Variants in CLCA2 observed in about 807,000 individuals in gnomAD.
CLCA2 encodes the protein chloride channel accessory 2.
Under a neutral mutation model 82.9 loss-of-function variants are expected in CLCA2, and 85 were observed. The observed-to-expected ratio is 1.03, with a 90% CI of 0.86 to 1.23. The LOEUF (loss-of-function observed/expected upper bound fraction) is 1.23, where lower values mean the gene tolerates loss of function less well. Ranked by LOEUF, CLCA2 falls within the 50% of genes most tolerant of loss-of-function variation. The pLI, the probability that CLCA2 is intolerant of heterozygous loss-of-function variation, is 0.00. For missense variants in CLCA2, 1,089 were observed against 1,124.8 expected (o/e 0.97, Z 0.45); for synonymous variants, 421 against 391.7 (o/e 1.07, Z -0.88).
chr1:86,440,444 A>C lies in CLCA2; in HGVS notation c.1381+119A>C, dbSNP rs1360112767. On this transcript the variant is annotated intron_variant, in intron 8 of 13. Coordinates refer to ENST00000370565, the MANE Select transcript of CLCA2 (RefSeq NM_006536.7). Reference sequence around the variant, plus strand: ...AAAATACAGAAATTGTTTTTAAAAAACGCACACACATATTGCTAGAATCTG... The same window carrying C: ...AAAATACAGAAATTGTTTTTAAAAACCGCACACACATATTGCTAGAATCTG... The C allele has an allele frequency of 6.4e-6, 6 of 938,238 alleles. No individual in the cohort carries two copies. In the African/African-American group the frequency reaches 8.4e-5, roughly 13 times the overall value. 58.1% of individuals were successfully genotyped at this position (938,238 alleles called of 1,614,324 possible).
At chr1:86,429,964 G>A (rs1662461654) in intron 3 of CLCA2, among the ~76,000 whole-genome samples, 1 of 152,032 alleles carries the variant, frequency 6.6e-6, no homozygotes, top group South Asian at 2.1e-4. Flanking sequence ...TTCATGAGTA[G>A]GCACAATCTT....
chr1:86,453,854 G>C (rs1397477871), intron 13 of CLCA2, among the ~76,000 whole-genome samples: 1 of 152,164 alleles, frequency 6.6e-6, no homozygotes, highest in Admixed American at 6.5e-5. Context: ...CGTGTTATGG[G>C]TGTCTGTTCA....
chr1:86,425,460 A>G lies in CLCA2; in HGVS notation c.308A>G (p.Gln103Arg), dbSNP rs756273740. The G allele has an allele frequency of 1.9e-6, 3 of 1,550,072 alleles. 1 individual carries two copies. In the South Asian group the frequency reaches 3.8e-5, roughly 20 times the overall value. Residue 103 changes from glutamine to arginine, a missense_variant, in exon 2 of 14, where the codon CAA becomes CGA. Gln to Arg is a conservative substitution (Grantham distance 43). Coordinates refer to ENST00000370565, the MANE Select transcript of CLCA2 (RefSeq NM_006536.7). ...GCTAATAATAACAGCAAAATAAAAC[A>G]AGAATCATATGAAAAGGTAAGAATC... is the stretch of plus-strand genomic sequence containing the variant. ...WKANNNSKIKQESYEKANVIV... is the reference protein window; with the variant it reads ...WKANNNSKIKRESYEKANVIV...
rs773666164 is a variant in CLCA2 at position 86,428,539 on chromosome 1, ATAACT to A, written c.451_455del (p.Leu151SerfsTer13). On this transcript the variant is annotated frameshift_variant, in exon 3 of 14. Transcript: ENST00000370565. LOFTEE classifies it high-confidence loss of function. Reference sequence around the variant, plus strand: ...TTCACACCTAATTTCCTACTGAATGATAACTTAACAGCTGGCTACGGATCACGAGG... The same window carrying A: ...TTCACACCTAATTTCCTACTGAATGATAACAGCTGGCTACGGATCACGAGG... 9.0e-5 allele frequency: 146 copies of A among 1,613,584 alleles called. No individual in the cohort carries two copies. Among genetic ancestry groups the A allele is most frequent in the Non-Finnish European group, 1.1e-4 (131 of 1,179,704 alleles).
chr1:86,440,140 A>C lies in CLCA2; in HGVS notation c.1204-8A>C. 1 of 1,612,652 alleles carries C rather than the reference A, an allele frequency of 6.2e-7. No homozygotes were observed. Among genetic ancestry groups the C allele is most frequent in the Non-Finnish European group, 8.5e-7 (1 of 1,179,330 alleles). On this transcript the variant is annotated splice_polypyrimidine_tract_variant and splice_region_variant and intron_variant, in intron 7 of 13. Transcript: ENST00000370565. ...CTTCCTTCCAAGTGACTAATTCTCT[A>C]TGTTCAGGTGGTTGAAAAACTGAAT...
chr1:86,429,525 A>C (rs141881103), intron 3 of CLCA2, among the ~76,000 whole-genome samples: 1 of 152,180 alleles, frequency 6.6e-6, no homozygotes, highest in African/African-American at 2.4e-5. Context: ...AGACTATGCC[A>C]GGGAAAGTGG....
chr1:86,437,471 A>C (rs562251045), intron 6 of CLCA2, among the ~76,000 whole-genome samples: 3 of 152,318 alleles, frequency 2.0e-5, no homozygotes, highest in Admixed American at 2.0e-4. Flanking sequence ...TTGGAGTTCA[A>C]TCTTGAAGGA....
chr1:86,450,647 A>G lies in CLCA2; in HGVS notation c.2069A>G (p.His690Arg), dbSNP rs766070402. 28 of 1,613,392 alleles carry G rather than the reference A, an allele frequency of 1.7e-5. No individual in the cohort carries two copies. Among genetic ancestry groups the G allele is most frequent in the Non-Finnish European group, 2.4e-5 (28 of 1,179,652 alleles). ...AATGGTAGATATAGCTTGAAAGTGC[A>G]TGTCAATCACTCTCCCAGCATAAGC... The part of the protein sequence containing the change: ...AANGRYSLKV[H>R]VNHSPSISTP... Residue 690 changes from histidine (H) to arginine (R), a missense_variant, in exon 12 of 14, where the codon CAT becomes CGT. By Grantham distance (29) the His-to-Arg change is conservative. Coordinates refer to ENST00000370565, the MANE Select transcript of CLCA2 (RefSeq NM_006536.7).
At chr1:86,449,573 T>C (rs1662919771) in intron 11 of CLCA2, among the ~76,000 whole-genome samples, 1 of 152,252 alleles carries the variant, frequency 6.6e-6, no homozygotes, top group Admixed American at 6.5e-5. Context: ...ATAAAATGTT[T>C]AGCACTTTTT....
chr1:86,455,200 G>C lies in CLCA2; in HGVS notation c.2505G>C (p.Glu835Asp), dbSNP rs767836350. Residue 835 changes from glutamate (E) to aspartate (D), a missense_variant, in exon 14 of 14, where the codon GAG becomes GAC. By Grantham distance (45) the Glu-to-Asp change is conservative. Coordinates refer to ENST00000370565, the MANE Select transcript of CLCA2 (RefSeq NM_006536.7). The part of the protein sequence containing the change: ...KRNPQQAGIR[E>D]IFTFSPQIST... ...ATCCTCAGCAAGCTGGCATCAGGGA[G>C]ATATTTACGTTCTCACCCCAAATTT... The C allele has an allele frequency of 1.9e-6, 3 of 1,614,050 alleles. No individual in the cohort carries two copies. Among genetic ancestry groups the C allele is most frequent in the Non-Finnish European group, 2.5e-6 (3 of 1,179,946 alleles).
chr1:86,443,771 A>G lies in CLCA2; in HGVS notation c.1489-16A>G, dbSNP rs764803433. 3.1e-6 allele frequency: 5 copies of G among 1,593,558 alleles called. No individual in the cohort carries two copies. The highest frequency in any genetic ancestry group is 1.3e-5 in the African/African-American group (1 of 74,464). ...GCATACACCAGAAACTCTCATATAT[A>G]TCTTCTCTTTAACAGCTTGAAAGTA... On this transcript the variant is annotated splice_polypyrimidine_tract_variant and intron_variant, in intron 9 of 13. Transcript: ENST00000370565.
intron 6 of CLCA2, among the ~76,000 whole-genome samples, chr1:86,435,221 A>G (rs187039940): frequency 6.6e-5 from 10 of 152,320 alleles, no homozygotes; most frequent in Middle Eastern, 3.4e-3. Flanking sequence ...AATGTGGCCA[A>G]AAGTTGAGAT....
intron 7 of CLCA2, 26 bp downstream of exon 7, chr1:86,439,132 G>A (rs1168649135): frequency 4.4e-6 from 7 of 1,598,772 alleles, no homozygotes; most frequent in East Asian, 2.2e-5. Context: ...CTAAGCCTTG[G>A]ATCACCATCA....
Position 86,440,032 on chromosome 1 carries a change from G to A in CLCA2, c.1204-116G>A, listed in dbSNP as rs1276367468. 6 of 959,550 alleles carry A rather than the reference G, an allele frequency of 6.3e-6. No individual in the cohort carries two copies. In the East Asian group the frequency reaches 1.2e-4, roughly 20 times the overall value. 59.4% of individuals were successfully genotyped at this position (959,550 alleles called of 1,614,324 possible). A position where few individuals can be genotyped will look rare whatever the true frequency, so the allele number is the denominator to read the frequency against. On this transcript the variant is annotated intron_variant, in intron 7 of 13. Transcript: ENST00000370565. The stretch of plus-strand genomic sequence containing the variant: ...GATGGGGTGAGGTAAAACTTGAGTG[G>A]AGATGGGCGTGGGGTGTAGGAGCTA...
rs763147874 is a variant in CLCA2 at position 86,453,464 on chromosome 1, T to A, written c.2251T>A (p.Ser751Thr). ...CCGAGTCAGCTCAGGAGGCTCCTTT[T>A]CAGTGCTGGGAGTTCCAGCTGGCCC... is the stretch of plus-strand genomic sequence containing the variant. ...FSRVSSGGSF[S>T]VLGVPAGPHP... Residue 751 changes from serine (S) to threonine (T), a missense_variant, in exon 13 of 14, where the codon TCA becomes ACA. Transcript: ENST00000370565. The A allele has an allele frequency of 1.0e-4, 165 of 1,614,068 alleles. No individual in the cohort carries two copies. The highest frequency in any genetic ancestry group is 1.6e-4 in the Middle Eastern group (1 of 6,084).
rs961775897 is a variant in CLCA2, at chr1:86,436,699, TTTG to T, written c.972+1969_972+1971del. Among the ~76,000 whole-genome samples the T allele has an allele frequency of 8.6e-5, 13 of 151,822 alleles. No homozygotes were observed. The East Asian group carries it at 1.7e-3, about 20-fold the overall frequency. ...GCATACCTGCAGTTGACTAGGGCAT[TTTG>T]TTGTTGTTGTTGTTTTGGTTTTTTT... is the stretch of plus-strand genomic sequence containing the variant. On this transcript the variant is annotated intron_variant, in intron 6 of 13. Coordinates refer to ENST00000370565, the MANE Select transcript of CLCA2 (RefSeq NM_006536.7).
At chr1:86,438,603 T>A (rs1662660166) in intron 6 of CLCA2, among the ~76,000 whole-genome samples, 1 of 152,116 alleles carries the variant, frequency 6.6e-6, no homozygotes, top group Admixed American at 6.5e-5. Flanking sequence ...TGGAGTGAAA[T>A]AGTGGGGATG....
chr1:86,431,030 CTTAAGCAATTAAATAATTGCCTAAT>C (rs1662488766), intron 4 of CLCA2, 60 bp downstream of exon 4: 1 of 1,190,572 alleles, frequency 8.4e-7, no homozygotes, highest in South Asian at 1.4e-5. Context: ...TTGCTTATAA[CTTAAGCAATTAAATAATTGCCTAAT>C]TTAAGCAATT....
At chr1:86,437,284 A>G (rs11161828) in intron 6 of CLCA2, among the ~76,000 whole-genome samples, 15,811 of 152,230 alleles carry the variant, frequency 0.1, 975 homozygotes, top group African/African-American at 0.16. Context: ...GAAGAACAGC[A>G]TCTCTGCTTT....
Sources: gnomAD v4.1 joint callset for allele counts (sites outside exome capture counted in the v4.1 genomes callset) on GRCh38, gnomAD v4.1.1 for gene constraint, MANE v1.5 for transcripts, NCBI Gene and HGNC (gene_info 2026-07-23, HGNC 2026-07-21) for gene names.